Variants in ERBB4 observed in about 807,000 individuals in gnomAD.
ERBB4 encodes the protein erb-b2 receptor tyrosine kinase 4, also known as receptor tyrosine-protein kinase erbB-4.
A neutral mutation model predicts 158.0 loss-of-function variants in ERBB4; 42 were observed. That is an observed-to-expected ratio of 0.27 (90% confidence interval 0.21 to 0.34). ERBB4 has a LOEUF of 0.34. Among genes scored for constraint, ERBB4 ranks in the 10% least tolerant of loss-of-function variants. The pLI is 1.00. For missense variants in ERBB4, 1,333 were observed against 1,624.1 expected (o/e 0.82, Z 3.08); for synonymous variants, 583 against 558.7 (o/e 1.04, Z -0.61).
At chr2:211,842,919 A>G (rs1167207273) in intron 3 of ERBB4, among the ~76,000 whole-genome samples, 3 of 152,094 alleles carry the variant, frequency 2.0e-5, no homozygotes, top group Non-Finnish European at 4.4e-5. Flanking sequence ...TTACAAACAA[A>G]TCTGATAGCT....
chr2:211,433,893 A>G (rs139125629), intron 20 of ERBB4, among the ~76,000 whole-genome samples: 179 of 152,154 alleles, frequency 1.2e-3, no homozygotes, highest in African/African-American at 3.7e-3. Flanking sequence ...TCCGCTCACT[A>G]TTTCTTCCCA....
At chr2:212,527,575 C>T (rs1013723463) in intron 1 of ERBB4, among the ~76,000 whole-genome samples, 2 of 152,096 alleles carry the variant, frequency 1.3e-5, no homozygotes, top group African/African-American at 4.8e-5. Context: ...GCTTCAGCTT[C>T]AGAACCCCTC....
At chr2:212,263,949 C>A (rs2085037194) in intron 1 of ERBB4, among the ~76,000 whole-genome samples, 1 of 152,038 alleles carries the variant, frequency 6.6e-6, no homozygotes, top group African/African-American at 2.4e-5. Context: ...ATATCTATGG[C>A]TTGTCTGTCC....
intron 19 of ERBB4, among the ~76,000 whole-genome samples, chr2:211,609,923 G>A (rs2069128984): frequency 6.6e-6 from 1 of 152,118 alleles, no homozygotes; most frequent in Non-Finnish European, 1.5e-5. Flanking sequence ...ATAAACCTCT[G>A]ACTGATAACA....
At chr2:211,782,963 C>A (rs2076072732) in intron 4 of ERBB4, among the ~76,000 whole-genome samples, 1 of 152,144 alleles carries the variant, frequency 6.6e-6, no homozygotes, top group African/African-American at 2.4e-5. Flanking sequence ...TTACCTTGGG[C>A]AGTATGGCCA....
intron 2 of ERBB4, among the ~76,000 whole-genome samples, chr2:212,029,201 C>T (rs13424872): frequency 0.082 from 12,551 of 152,152 alleles, 666 homozygotes; most frequent in Middle Eastern, 0.13. Context: ...CTACTCCCTG[C>T]CTATAGGGTA....
intron 1 of ERBB4, among the ~76,000 whole-genome samples, chr2:212,148,026 C>T (rs556871870): frequency 1.3e-5 from 2 of 152,060 alleles, no homozygotes; most frequent in Admixed American, 6.6e-5. Context: ...TTTGTGCAGA[C>T]TTTGTGTTAA....
intron 20 of ERBB4, among the ~76,000 whole-genome samples, chr2:211,538,638 G>C (rs754875638): frequency 8.6e-5 from 13 of 151,846 alleles, no homozygotes; most frequent in African/African-American, 1.2e-4. Flanking sequence ...TGTACAGTAA[G>C]TCCCGTAATC....
At chr2:211,706,609 A>C (rs990366199) in intron 9 of ERBB4, among the ~76,000 whole-genome samples, 4 of 151,874 alleles carry the variant, frequency 2.6e-5, no homozygotes, top group East Asian at 1.9e-4. Flanking sequence ...AACAAAAAAA[A>C]AAAAAACAAA....
intron 1 of ERBB4, among the ~76,000 whole-genome samples, chr2:212,357,054 A>C (rs1006832130): frequency 1.6e-4 from 24 of 151,922 alleles, no homozygotes; most frequent in African/African-American, 5.6e-4. Flanking sequence ...CATAAGATAC[A>C]TAATAGTGTC....
intron 2 of ERBB4, among the ~76,000 whole-genome samples, chr2:212,005,901 A>G (rs1455400596): frequency 6.6e-6 from 1 of 152,190 alleles, no homozygotes; most frequent in Admixed American, 6.6e-5. Flanking sequence ...CCAAGGCAAC[A>G]TAGCAAGTCC....
At chr2:212,506,676 G>A (rs79624022) in intron 1 of ERBB4, among the ~76,000 whole-genome samples, 2,640 of 152,282 alleles carry the variant, frequency 0.017, 74 homozygotes, top group African/African-American at 0.06. Context: ...ATTCCACGAA[G>A]GCTGAGAGAG....
chr2:212,403,059 T>C (rs537569244), intron 1 of ERBB4, among the ~76,000 whole-genome samples: 8 of 152,210 alleles, frequency 5.3e-5, no homozygotes, highest in African/African-American at 1.9e-4. Flanking sequence ...AATTATTTTA[T>C]AAACAGTTAT....
chr2:211,448,431 A>C (rs897567667), intron 20 of ERBB4, among the ~76,000 whole-genome samples: 1 of 151,550 alleles, frequency 6.6e-6, no homozygotes, highest in Non-Finnish European at 1.5e-5. Flanking sequence ...AAAGATGACA[A>C]GGAAAATTGT....
intron 2 of ERBB4, among the ~76,000 whole-genome samples, chr2:212,005,815 G>C (rs1208506337): frequency 7.2e-5 from 11 of 152,148 alleles, no homozygotes; most frequent in Non-Finnish European, 1.3e-4. Context: ...GCTGGGCTCA[G>C]TGGCTCATGC....
At chr2:211,868,729 C>T (rs13003524) in intron 3 of ERBB4, among the ~76,000 whole-genome samples, 28,694 of 152,054 alleles carry the variant, frequency 0.19, 2,975 homozygotes, top group South Asian at 0.32. Flanking sequence ...ATGTTGCATA[C>T]TATAAAATAT....
At chr2:211,712,276 A>G in intron 8 of ERBB4, 100 bp from the exon 9 acceptor site, 2 of 1,162,206 alleles carry the variant, frequency 1.7e-6, no homozygotes. Context: ...TTTTAATTGT[A>G]ACATATAAAA....
chr2:211,982,520 T>C (rs2081829947), intron 2 of ERBB4, among the ~76,000 whole-genome samples: 1 of 152,180 alleles, frequency 6.6e-6, no homozygotes, highest in Admixed American at 6.6e-5. Context: ...AAGAGGATAT[T>C]ACCAGATGAG....
At position 212,191,680 on chromosome 2, in the gene ERBB4, GTTATA is replaced by G. The variant is rs1369123703; in HGVS notation, c.83-66782_83-66778del. Among the ~76,000 whole-genome samples the G allele has an allele frequency of 7.7e-5, 4 of 51,826 alleles. No individual in the cohort carries two copies. The East Asian group carries it at 4.9e-3, about 63-fold the overall frequency. 34.0% of individuals were successfully genotyped at this position (51,826 alleles called of 152,430 possible). On this transcript the variant is annotated intron_variant, in intron 1 of 27. Transcript: ENST00000342788. ...GTTATACATGTCATATATCGCGTGT[GTTATA>G]CATGTTACATATAACACGTGTTATA...
Sources: allele counts gnomAD v4.1 joint callset (sites outside exome capture counted in the v4.1 genomes callset), GRCh38; gene constraint gnomAD v4.1.1; transcripts MANE v1.5; gene names NCBI Gene and HGNC (gene_info 2026-07-23, HGNC 2026-07-21).